Variants in LMBRD1 observed in about 807,000 individuals in gnomAD.
LMBRD1 encodes LMBR1 domain containing 1.
A neutral mutation model predicts 74.8 loss-of-function variants in LMBRD1; 64 were observed. That is an observed-to-expected ratio of 0.86 (90% CI 0.70 to 1.05). The LOEUF is 1.05. Ranked by LOEUF, LMBRD1 falls within the 50% of genes least tolerant of loss-of-function variation. The pLI, the probability that LMBRD1 is intolerant of heterozygous loss-of-function variation, is 0.00. For missense variants in LMBRD1, 652 were observed against 645.9 expected, an observed-to-expected ratio of 1.01 and a Z score of -0.10; for synonymous variants, 204 against 216.3, an observed-to-expected ratio of 0.94 and a Z score of 0.50.
intron 14 of LMBRD1, among the ~76,000 whole-genome samples, chr6:69,685,158 A>C (rs927635543): frequency 7.9e-5 from 12 of 152,190 alleles, no homozygotes; most frequent in South Asian, 2.1e-4. Context: ...AGATTGAAAA[A>C]AGAAGGTTGA....
At chr6:69,778,724 A>G (rs1297913907) in intron 3 of LMBRD1, among the ~76,000 whole-genome samples, 10 of 152,120 alleles carry the variant, frequency 6.6e-5, no homozygotes, top group Non-Finnish European at 1.5e-4. Context: ...CCATTTCAAA[A>G]CTTTTAATAG....
intron 3 of LMBRD1, among the ~76,000 whole-genome samples, chr6:69,765,736 A>G (rs1440656837): frequency 1.3e-5 from 2 of 152,142 alleles, no homozygotes; most frequent in Non-Finnish European, 2.9e-5. Context: ...TCTTTACAGC[A>G]TTGTGTTTTC....
Position 69,701,941 on chromosome 6 carries a change from T to G in LMBRD1, c.928A>C (p.Ile310Leu), listed in dbSNP as rs1405723767. 1 of 1,600,260 alleles carries G rather than the reference T, an allele frequency of 6.2e-7. No homozygotes were observed. The highest frequency in any genetic ancestry group is 1.7e-5 in the Admixed American group (1 of 59,776). ...AGCAATGCAACTAAGATGAAAAATA[T>G]TCCCCAGACGATCTAAAAGCAAAAA... ...ALRPLKIVWG[I>L]FFILVALLFV... Residue 310 changes from isoleucine to leucine, a missense_variant, in exon 10 of 16, where the codon ATA becomes CTA. Coordinates refer to ENST00000649934, the MANE Select transcript of LMBRD1 (RefSeq NM_018368.4).
intron 13 of LMBRD1, 84 bp downstream of exon 13, chr6:69,698,959 G>T: frequency 1.1e-6 from 1 of 915,180 alleles, no homozygotes; most frequent in Non-Finnish European, 1.7e-6. Flanking sequence ...AATATCTTAT[G>T]CTAACCATCA....
intron 2 of LMBRD1, among the ~76,000 whole-genome samples, chr6:69,785,215 T>C (rs1359210134): frequency 1.2e-4 from 18 of 152,176 alleles, no homozygotes; most frequent in Admixed American, 1.2e-3. Context: ...GTTTTTCTTA[T>C]CTCTCAGGTT....
At chr6:69,735,430 T>C (rs1411666154) in intron 7 of LMBRD1, among the ~76,000 whole-genome samples, 3 of 131,308 alleles carry the variant, frequency 2.3e-5, no homozygotes, top group Admixed American at 8.0e-5. Flanking sequence ...ATCAACATTA[T>C]AGGAAAACAA....
intron 9 of LMBRD1, among the ~76,000 whole-genome samples, chr6:69,709,059 A>G (rs1766324360): frequency 6.6e-6 from 1 of 152,104 alleles, no homozygotes; most frequent in Non-Finnish European, 1.5e-5. Context: ...ACATGGAGAA[A>G]CCCCGTCTCT....
At chr6:69,776,920 G>A (rs1269935252) in intron 3 of LMBRD1, among the ~76,000 whole-genome samples, 1 of 151,956 alleles carries the variant, frequency 6.6e-6, no homozygotes, top group Non-Finnish European at 1.5e-5. Flanking sequence ...TTTGAGACGG[G>A]CAGATCGCTT....
At chr6:69,733,787 C>T (rs1201135344) in intron 7 of LMBRD1, among the ~76,000 whole-genome samples, 2 of 152,164 alleles carry the variant, frequency 1.3e-5, no homozygotes, top group African/African-American at 2.4e-5. Context: ...TTTTGACTTA[C>T]CTTTGAATAA....
chr6:69,755,455 G>A (rs1765248294), intron 3 of LMBRD1, among the ~76,000 whole-genome samples: 1 of 151,978 alleles, frequency 6.6e-6, no homozygotes, highest in African/African-American at 2.4e-5. Flanking sequence ...GGCCGGGGGA[G>A]AGCATTAGGA....
rs1766552940 is a variant in LMBRD1, at chr6:69,718,975, ATG to A, written c.741_742del (p.Ile248SerfsTer4). On this transcript the variant is annotated frameshift_variant, in exon 8 of 16. Coordinates refer to ENST00000649934, the MANE Select transcript of LMBRD1 (RefSeq NM_018368.4). LOFTEE classifies it high-confidence loss of function. Reference sequence around the variant, plus strand: ...ACTCACTTTTGATTTAATCGTTTGAATGTGTTGTTCTACTTCTTCAATGTCTT... The same window carrying A: ...ACTCACTTTTGATTTAATCGTTTGAATGTTGTTCTACTTCTTCAATGTCTT... The A allele has an allele frequency of 6.2e-7, 1 of 1,613,482 alleles. No individual in the cohort carries two copies. The highest frequency in any genetic ancestry group is 8.5e-7 in the Non-Finnish European group (1 of 1,179,622).
At chr6:69,782,801 A>T (rs1765867932) in intron 2 of LMBRD1, among the ~76,000 whole-genome samples, 2 of 152,192 alleles carry the variant, frequency 1.3e-5, no homozygotes, top group Admixed American at 1.3e-4. Context: ...AAAGAACCTG[A>T]GCACTTGCTG....
At chr6:69,771,967 T>C (rs1166497754) in intron 3 of LMBRD1, among the ~76,000 whole-genome samples, 1 of 152,158 alleles carries the variant, frequency 6.6e-6, no homozygotes. Context: ...ACTCAAAATG[T>C]GAAAAAGTAA....
At chr6:69,775,087 TACAAA>T (rs1765671580) in intron 3 of LMBRD1, among the ~76,000 whole-genome samples, 1 of 148,686 alleles carries the variant, frequency 6.7e-6, no homozygotes, top group Non-Finnish European at 1.5e-5. Flanking sequence ...AAATAAAAGG[TACAAA>T]TCCTTAAAGT....
intron 1 of LMBRD1, 133 bp from the exon 2 acceptor site, chr6:69,790,605 T>A: frequency 1.2e-6 from 1 of 863,370 alleles, no homozygotes; most frequent in Non-Finnish European, 1.9e-6. Flanking sequence ...GAAAGCCCAC[T>A]ATCCCTTAAA....
At chr6:69,715,079 C>T (rs1009691171) in intron 8 of LMBRD1, among the ~76,000 whole-genome samples, 1 of 151,846 alleles carries the variant, frequency 6.6e-6, no homozygotes, top group Non-Finnish European at 1.5e-5. Context: ...CACTGGATCC[C>T]AGAAAACGAA....
intron 9 of LMBRD1, among the ~76,000 whole-genome samples, chr6:69,704,907 G>GT (rs61054932): frequency 6.9e-4 from 95 of 137,292 alleles, no homozygotes; most frequent in African/African-American, 1.2e-3. Context: ...TTGGACATTT[G>GT]TTTTTTTTTT....
intron 2 of LMBRD1, among the ~76,000 whole-genome samples, chr6:69,789,076 C>T (rs981005553): frequency 3.9e-5 from 6 of 152,154 alleles, no homozygotes; most frequent in African/African-American, 1.4e-4. Context: ...ATCTTTATAA[C>T]ATTACAATGT....
intron 7 of LMBRD1, among the ~76,000 whole-genome samples, chr6:69,726,068 G>T (rs1766728076): frequency 6.6e-6 from 1 of 152,032 alleles, no homozygotes; most frequent in South Asian, 2.1e-4. Flanking sequence ...TTAAAAAGTG[G>T]GCCAAAGATT....
Sources: gnomAD v4.1 joint callset for allele counts (sites outside exome capture counted in the v4.1 genomes callset) on GRCh38, gnomAD v4.1.1 for gene constraint, MANE v1.5 for transcripts, NCBI Gene and HGNC (gene_info 2026-07-23, HGNC 2026-07-21) for gene names.